The following CHUK variants were observed in gnomAD, a reference collection of about 807,000 sequenced individuals.
CHUK encodes the protein component of inhibitor of nuclear factor kappa B kinase complex, also known as inhibitor of nuclear factor kappa-B kinase subunit alpha.
Under a neutral mutation model 104.8 loss-of-function variants are expected in CHUK, and 35 were observed. The ratio of observed to expected loss-of-function variants is 0.33; its 90% CI spans 0.26 to 0.44. The LOEUF (loss-of-function observed/expected upper bound fraction) is 0.44. Ranked by LOEUF, CHUK falls within the 20% of genes least tolerant of loss-of-function variation. The pLI, the probability that CHUK is intolerant of heterozygous loss-of-function variation, is 1.00. For synonymous variants in CHUK, 276 were observed against 291.9 expected (o/e 0.95, Z 0.56); for missense variants, 663 against 902.7 (o/e 0.73, Z 3.40).
rs1845138159 is a variant in CHUK, at chr10:100,189,207, TACAAA to T, written c.*386_*390del. 1 of 178,894 alleles carries T rather than the reference TACAAA, an allele frequency of 5.6e-6. No homozygotes were observed. The highest frequency in any genetic ancestry group is 1.3e-4 in the South Asian group (1 of 7,710). 11.1% of individuals were successfully genotyped at this position (178,894 alleles called of 1,614,324 possible). On this transcript the variant is annotated 3_prime_UTR_variant, in exon 21 of 21. Transcript: ENST00000370397. ...ATTACTTGAGGTTTTCTTCTCTGTA[TACAAA>T]ACTACATTTGGTCTTACGCCCAAAA...
At chr10:100,213,277 T>A (rs1339997738) in intron 9 of CHUK, among the ~76,000 whole-genome samples, 3 of 151,980 alleles carry the variant, frequency 2.0e-5, no homozygotes, top group Non-Finnish European at 2.9e-5. Context: ...GGACAGGAGT[T>A]TGAGAACATC....
At chr10:100,212,323 A>G (rs1007791551) in intron 9 of CHUK, among the ~76,000 whole-genome samples, 1 of 152,162 alleles carries the variant, frequency 6.6e-6, no homozygotes, top group Non-Finnish European at 1.5e-5. Context: ...CTTTTGGATA[A>G]TAGCCATCCC....
At chr10:100,203,621 A>ATGG (rs1845521126) in intron 13 of CHUK, among the ~76,000 whole-genome samples, 1 of 152,140 alleles carries the variant, frequency 6.6e-6, no homozygotes, top group Admixed American at 6.5e-5. Flanking sequence ...AAAAGAAAAC[A>ATGG]GAAATGCTGG....
At position 100,218,801 on chromosome 10, in the gene CHUK, A is replaced by T. The variant is rs773828761; in HGVS notation, c.714T>A (p.Asp238Glu). The T allele has an allele frequency of 6.2e-7, 1 of 1,613,802 alleles. No homozygotes were observed. Among genetic ancestry groups the T allele is most frequent in the East Asian group, 2.2e-5 (1 of 44,846 alleles). Residue 238 changes from aspartate to glutamate, a missense_variant, in exon 8 of 21, where the codon GAT becomes GAA. Asp to Glu is a conservative substitution (Grantham distance 45). This residue lies in a region of CHUK where 200 missense variants were observed against 333.0 expected (regional missense o/e 0.60). Coordinates refer to ENST00000370397, the MANE Select transcript of CHUK (RefSeq NM_001278.5). ...CTTCACATGCAAATATACACTTTGGATCCTTCTTCTTAATCTTCTCATGCC... is the reference window on the plus strand; with the variant it reads ...CTTCACATGCAAATATACACTTTGGTTCCTTCTTCTTAATCTTCTCATGCC... ...FTWHEKIKKK[D>E]PKCIFACEEM... is the part of the protein sequence containing the mutation.
At chr10:100,206,008 A>G (rs373205828) in intron 11 of CHUK, among the ~76,000 whole-genome samples, 2 of 152,320 alleles carry the variant, frequency 1.3e-5, no homozygotes. Context: ...AGTATTCCTC[A>G]GGTCATTGTC....
In CHUK at chr10:100,222,980, C is replaced by CTTCTTCATAATCTGGATTTCATGG; in HGVS notation, c.201-1_201insCCATGAAATCCAGATTATGAAGAA (p.Lys66_Lys67insAsnHisGluIleGlnIleMetLys). 1 of 1,501,910 alleles carries CTTCTTCATAATCTGGATTTCATGG rather than the reference C, an allele frequency of 6.7e-7. No individual in the cohort carries two copies. The highest frequency in any genetic ancestry group is 9.3e-7 in the Non-Finnish European group (1 of 1,078,990). 93.0% of individuals were successfully genotyped at this position (1,501,910 alleles called of 1,614,324 possible). On this transcript the variant is annotated inframe_insertion and splice_region_variant. Coordinates refer to ENST00000370397, the MANE Select transcript of CHUK (RefSeq NM_001278.5). The stretch of plus-strand genomic sequence containing the variant: ...CCTTTACAACATTGGCATGGTTCAA[C>CTTCTTCATAATCTGGATTTCATGG]CTAATAAGAAAGAAAAACATTACAA...
At position 100,202,133 on chromosome 10, in the gene CHUK, T is replaced by C; in HGVS notation, c.1524A>G (p.Leu508=). The stretch of plus-strand genomic sequence containing the variant: ...TTTCTTCCATTTCTTTCCATGCTTT[T>C]AGCATTTTTTCTGAAGCTAAAAGAA... ...MTYGISSEKM[L]KAWKEMEEKA... Residue 508 remains leucine (L), a synonymous_variant, in exon 14 of 21, where the codon CTA becomes CTG. Transcript: ENST00000370397. The C allele has an allele frequency of 6.2e-7, 1 of 1,612,232 alleles. No individual in the cohort carries two copies. The highest frequency in any genetic ancestry group is 8.5e-7 in the Non-Finnish European group (1 of 1,178,630).
At chr10:100,220,537 C>T in intron 5 of CHUK, 51 bp downstream of exon 5, 1 of 1,238,974 alleles carries the variant, frequency 8.1e-7, no homozygotes, top group South Asian at 1.2e-5. Context: ...CTAACTATAT[C>T]AGAGAGACTA....
At chr10:100,205,806 TAATCCCAGCTA>T (rs1368055399) in intron 11 of CHUK, among the ~76,000 whole-genome samples, 1 of 152,158 alleles carries the variant, frequency 6.6e-6, no homozygotes, top group African/African-American at 2.4e-5. Context: ...TGTGCACCTA[TAATCCCAGCTA>T]CTCGGGAGAC....
At chr10:100,226,381 A>T (rs946189508) in intron 1 of CHUK, among the ~76,000 whole-genome samples, 14 of 152,222 alleles carry the variant, frequency 9.2e-5, no homozygotes, top group Non-Finnish European at 1.5e-4. Context: ...AGCTTCTAGC[A>T]TAACTAAAAT....
At position 100,222,108 on chromosome 10, in the gene CHUK, G is replaced by A. The variant is rs374740759; in HGVS notation, c.385+4C>T. 1.8e-5 allele frequency: 26 copies of A among 1,453,396 alleles called. No individual in the cohort carries two copies. In the African/African-American group the frequency reaches 2.5e-4, roughly 14 times the overall value. The allele number at this position is 1,453,396 out of a possible 1,614,324, so 90.0% of individuals were successfully genotyped here. Reference sequence around the variant, plus strand: ...TACAATGGTATTTTAATACTGATACGTACCTATATCACTTAGTAAAGAAAG... The same window carrying A: ...TACAATGGTATTTTAATACTGATACATACCTATATCACTTAGTAAAGAAAG... On this transcript the variant is annotated splice_donor_region_variant and intron_variant, in intron 4 of 20. Coordinates refer to ENST00000370397, the MANE Select transcript of CHUK (RefSeq NM_001278.5).
chr10:100,218,262 A>G, intron 8 of CHUK, 132 bp from the exon 9 acceptor site: 1 of 805,648 alleles, frequency 1.2e-6, no homozygotes, highest in South Asian at 1.6e-5. Flanking sequence ...TTCATAAATT[A>G]CTTTCAAATT....
downstream of CHUK, chr10:100,188,230 T>G (rs1238701957): frequency 1.3e-5 from 2 of 152,462 alleles, no homozygotes; most frequent in Non-Finnish European, 2.9e-5. Context: ...ACCTTTACCA[T>G]AAGTCCTATT....
chr10:100,228,338 G>C (rs778459678), intron 1 of CHUK, among the ~76,000 whole-genome samples: 3 of 152,162 alleles, frequency 2.0e-5, no homozygotes, highest in Non-Finnish European at 2.9e-5. Context: ...AGGGTTCACA[G>C]CTTTTATCGG....
At chr10:100,217,877 AAAATAAAT>A in intron 9 of CHUK, 110 bp downstream of exon 9, 1 of 1,135,476 alleles carries the variant, frequency 8.8e-7, no homozygotes, top group Non-Finnish European at 1.3e-6. Context: ...ACCCTGTCTC[AAAATAAAT>A]AAATAAATAA....
At chr10:100,219,401 A>G (rs1381341479) in intron 5 of CHUK, 42 bp from the exon 6 acceptor site, 1 of 1,134,586 alleles carries the variant, frequency 8.8e-7, no homozygotes, top group East Asian at 2.3e-5. Flanking sequence ...ATGGTAGAGA[A>G]ATTTAAAAAG....
At chr10:100,187,061 GAT>G (rs1845044210), downstream of CHUK, 1 of 152,364 alleles carries the variant, frequency 6.6e-6, no homozygotes, top group South Asian at 2.1e-4. Context: ...AGCTCAAGGC[GAT>G]AATGCTCACT....
intron 9 of CHUK, among the ~76,000 whole-genome samples, chr10:100,215,080 T>A (rs1845821183): frequency 6.6e-6 from 1 of 151,676 alleles, no homozygotes; most frequent in Non-Finnish European, 1.5e-5. Context: ...ACCAAAAATA[T>A]AAAAATTAGC....
intron 19 of CHUK, among the ~76,000 whole-genome samples, chr10:100,191,885 G>A (rs1386080886): frequency 6.6e-6 from 1 of 152,182 alleles, no homozygotes; most frequent in Non-Finnish European, 1.5e-5. Flanking sequence ...TTTGGAGGCC[G>A]AGGCAGGTGG....
Sources: allele counts gnomAD v4.1 joint callset (sites outside exome capture counted in the v4.1 genomes callset), GRCh38; gene constraint gnomAD v4.1.1; regional missense constraint gnomAD v4.1.1; transcripts MANE v1.5; gene names NCBI Gene and HGNC (gene_info 2026-07-23, HGNC 2026-07-21).